The following MAP3K10 variants were observed in gnomAD, a reference collection of about 807,000 sequenced individuals.
MAP3K10 encodes MKN28 derived nonreceptor_type serine/threonine kinase.
Under a neutral mutation model 75.0 loss-of-function variants are expected in MAP3K10, and 22 were observed. The ratio of observed to expected loss-of-function variants is 0.29; its 90% CI spans 0.21 to 0.42. MAP3K10 has a LOEUF of 0.42. Ranked by LOEUF, MAP3K10 falls within the 10% of genes least tolerant of loss-of-function variation. The pLI, the probability that MAP3K10 is intolerant of heterozygous loss-of-function variation, is 1.00. For synonymous variants in MAP3K10, 599 were observed against 612.9 expected (o/e 0.98, Z 0.34); for missense variants, 1,165 against 1,379.8 (o/e 0.84, Z 2.47).
chr19:40,198,321 TGGGTCTGCG>T lies in MAP3K10; in HGVS notation c.683-52_683-44del. On this transcript the variant is annotated intron_variant, in intron 1 of 9. Coordinates refer to ENST00000253055, the MANE Select transcript of MAP3K10 (RefSeq NM_002446.4). The surrounding 1 kb of genome is among the most constrained non-coding windows in gnomAD (Gnocchi z 4.3). The stretch of plus-strand genomic sequence containing the variant: ...AGCTGAGGCAGCGGGCCAGAACACT[TGGGTCTGCG>T]GCGTGGCAGGTCTGGGGTGACCCAC... 1 of 1,537,976 alleles carries T rather than the reference TGGGTCTGCG, an allele frequency of 6.5e-7. No individual in the cohort carries two copies. The highest frequency in any genetic ancestry group is 2.3e-5 in the East Asian group (1 of 43,854).
chr19:40,193,047 A>T (rs1312796703), intron 1 of MAP3K10, among the ~76,000 whole-genome samples: 1 of 152,192 alleles, frequency 6.6e-6, no homozygotes, highest in Non-Finnish European at 1.5e-5. Context: ...ATGCTGCCAG[A>T]GTCCACCAGG....
Position 40,205,299 on chromosome 19 carries a change from G to A in MAP3K10, c.1188+3G>A, listed in dbSNP as rs1973098399. On this transcript the variant is annotated splice_donor_region_variant and intron_variant, in intron 4 of 9. Coordinates refer to ENST00000253055, the MANE Select transcript of MAP3K10 (RefSeq NM_002446.4). The surrounding 1 kb of genome is among the most constrained non-coding windows in gnomAD (Gnocchi z 4.3). ...ATGACCTTCGGACCAAGGAGAAGGT[G>A]AAGGCAGGGGGCAAGGTGGGAAAGA... 6.2e-7 allele frequency: 1 copy of A among 1,613,754 alleles called. No individual in the cohort carries two copies. Among genetic ancestry groups the A allele is most frequent in the South Asian group, 1.1e-5 (1 of 91,072 alleles).
In MAP3K10 at chr19:40,205,946, G is replaced by T. The variant is rs756502610; in HGVS notation, c.1224G>T (p.Ala408=). 2 of 1,596,798 alleles carry T rather than the reference G, an allele frequency of 1.3e-6. No homozygotes were observed. Among genetic ancestry groups the T allele is most frequent in the East Asian group, 2.3e-5 (1 of 44,110 alleles). The change falls in exon 5 of 10, where the codon GCG becomes GCT. Residue 408 remains alanine, a synonymous_variant. Transcript: ENST00000253055. The surrounding 1 kb of genome is among the most constrained non-coding windows in gnomAD (Gnocchi z 4.3). ...LRSREEELLR[A]AQEQRFQEEQ... is the part of the protein sequence containing the mutation. ...GCCGTGAGGAGGAGCTGCTGCGGGC[G>T]GCACAGGAGCAGCGCTTCCAGGAGG...
chr19:40,213,939 G>T lies in MAP3K10; in HGVS notation c.2260G>T (p.Asp754Tyr). Residue 754 changes from aspartate to tyrosine, a missense_variant, in exon 9 of 10, where the codon GAC (aspartate) becomes TAC (tyrosine). Around this residue, in one of 2 missense-constraint regions of MAP3K10, gnomAD observed 590 missense variants for 586.6 expected, o/e 1.01. Transcript: ENST00000253055. The surrounding 1 kb of genome is among the most constrained non-coding windows in gnomAD (Gnocchi z 5.7). Reference protein sequence around the residue: ...ATLVSLSSVSDCNSTRSLLRS... With the variant: ...ATLVSLSSVSYCNSTRSLLRS... ...CCTCGTGTCGCTGTCGTCCGTGTCC[G>T]ACTGCAACTCCACGCGTTCACTGCT... 1 of 1,529,576 alleles carries T rather than the reference G, an allele frequency of 6.5e-7. No homozygotes were observed. Among genetic ancestry groups the T allele is most frequent in the South Asian group, 1.2e-5 (1 of 82,346 alleles). 94.8% of individuals were successfully genotyped at this position (1,529,576 alleles called of 1,614,324 possible).
chr19:40,206,820 G>A (rs559144256), intron 5 of MAP3K10, among the ~76,000 whole-genome samples: 1 of 152,148 alleles, frequency 6.6e-6, no homozygotes, highest in South Asian at 2.1e-4. Flanking sequence ...CTGGCCAGGT[G>A]CAGTGGCTCA....
chr19:40,201,040 C>T (rs1018094067), intron 2 of MAP3K10, among the ~76,000 whole-genome samples: 1 of 152,062 alleles, frequency 6.6e-6, no homozygotes, highest in African/African-American at 2.4e-5. Flanking sequence ...CATAGGTTTC[C>T]AAGGACATGG....
chr19:40,214,007 A>ACCACCCCCCCCCCCCCCCCCC lies in MAP3K10; in HGVS notation c.2334_2335insCCCCCCCCCCCCCCCCCACCC (p.Pro778_Ser779insProProProProProProPro). On this transcript the variant is annotated inframe_insertion, in exon 9 of 10. Transcript: ENST00000253055. ...AGGCCGCACCGGCCGCGCCCTCCCC[A>ACCACCCCCCCCCCCCCCCCCC]CCACCCTCCCCGCCCGCGCCCACAC... 1.9e-6 allele frequency: 1 copy of ACCACCCCCCCCCCCCCCCCCC among 512,950 alleles called. No individual in the cohort carries two copies. Among genetic ancestry groups the ACCACCCCCCCCCCCCCCCCCC allele is most frequent in the Non-Finnish European group, 2.7e-6 (1 of 369,902 alleles). The allele number at this position is 512,950 out of a possible 1,614,324, so 31.8% of individuals were successfully genotyped here.
chr19:40,215,335 G>C lies in MAP3K10; in HGVS notation c.*43G>C. On this transcript the variant is annotated 3_prime_UTR_variant, in exon 10 of 10. Coordinates refer to ENST00000253055, the MANE Select transcript of MAP3K10 (RefSeq NM_002446.4). Reference sequence around the variant, plus strand: ...CCGCCTGGGCAGCCATGAATGTAGCGCCCCAGGCCCTGCCCCAGCCCGCCA... The same window carrying C: ...CCGCCTGGGCAGCCATGAATGTAGCCCCCCAGGCCCTGCCCCAGCCCGCCA... 2 of 1,466,408 alleles carry C rather than the reference G, an allele frequency of 1.4e-6. 1 individual carries two copies. Among genetic ancestry groups the C allele is most frequent in the South Asian group, 2.6e-5 (2 of 76,824 alleles). The allele number at this position is 1,466,408 out of a possible 1,614,324, so 90.8% of individuals were successfully genotyped here. A position where few individuals can be genotyped will look rare whatever the true frequency, so the allele number is the denominator to read the frequency against.
Position 40,205,868 on chromosome 19 carries a change from A to T in MAP3K10, c.1189-43A>T. The T allele has an allele frequency of 6.8e-7, 1 of 1,471,590 alleles. No homozygotes were observed. Among genetic ancestry groups the T allele is most frequent in the South Asian group, 1.4e-5 (1 of 71,562 alleles). The allele number at this position is 1,471,590 out of a possible 1,614,324, so 91.2% of individuals were successfully genotyped here. A position where few individuals can be genotyped will look rare whatever the true frequency, so the allele number is the denominator to read the frequency against. Reference sequence around the variant, plus strand: ...CCCTGGGTCCCTCCCCAGGAAGCAGAGCAGCTAAGCCCCTCCCCCCAGCCA... The same window carrying T: ...CCCTGGGTCCCTCCCCAGGAAGCAGTGCAGCTAAGCCCCTCCCCCCAGCCA... On this transcript the variant is annotated intron_variant, in intron 4 of 9. Transcript: ENST00000253055. This position sits in a 1 kb window ranked among gnomAD's most constrained non-coding sequence, Gnocchi z 4.3.
rs1220346995 is a variant in MAP3K10 at position 40,213,188 on chromosome 19, G to A, written c.1837G>A (p.Glu613Lys). 6.4e-7 allele frequency: 1 copy of A among 1,572,406 alleles called. No homozygotes were observed. The highest frequency in any genetic ancestry group is 1.9e-5 in the Admixed American group (1 of 51,734). ...TGGCTTTGCCAGCCTCAATGAGATG[G>A]GTAAGAGCCTGGGTTCTTGTAAGGG... is the stretch of plus-strand genomic sequence containing the variant. ...APGFASLNEM[E>K]EFAEAEDGGS... The change falls in exon 8 of 10, where the codon GAG becomes AAG. Residue 613 changes from glutamate to lysine, a missense_variant and splice_region_variant. Glu to Lys is a moderately conservative substitution (Grantham distance 56, BLOSUM62 1). Transcript: ENST00000253055. This position sits in a 1 kb window ranked among gnomAD's most constrained non-coding sequence, Gnocchi z 5.7.
intron 2 of MAP3K10, among the ~76,000 whole-genome samples, chr19:40,201,083 A>G (rs1973009482): frequency 6.6e-6 from 1 of 152,124 alleles, no homozygotes; most frequent in Non-Finnish European, 1.5e-5. Context: ...CCCTCCAGTT[A>G]TAAACCACTG....
Position 40,213,804 on chromosome 19 carries a change from C to A in MAP3K10, c.2125C>A (p.Leu709Ile). ...GGAGCAGCGGCGCTGGCTCGACGGC[C>A]TCTTCTTTCCCCGCGCCGGCCGCTT... ...GEEQRRWLDG[L>I]FFPRAGRFPR... The change falls in exon 9 of 10, where the codon CTC (leucine) becomes ATC (isoleucine). Residue 709 changes from leucine to isoleucine, a missense_variant. Around this residue, in one of 2 missense-constraint regions of MAP3K10, gnomAD observed 590 missense variants for 586.6 expected, o/e 1.01. Coordinates refer to ENST00000253055, the MANE Select transcript of MAP3K10 (RefSeq NM_002446.4). This position sits in a 1 kb window ranked among gnomAD's most constrained non-coding sequence, Gnocchi z 5.7. 3 of 1,285,652 alleles carry A rather than the reference C, an allele frequency of 2.3e-6. No homozygotes were observed. Among genetic ancestry groups the A allele is most frequent in the Non-Finnish European group, 2.0e-6 (2 of 1,012,660 alleles). The allele number at this position is 1,285,652 out of a possible 1,614,324, so 79.6% of individuals were successfully genotyped here. A position where few individuals can be genotyped will look rare whatever the true frequency, so the allele number is the denominator to read the frequency against.
Position 40,192,475 on chromosome 19 carries a change from C to T in MAP3K10, c.444C>T (p.Leu148=), listed in dbSNP as rs895744272. The change falls in exon 1 of 10, where the codon CTC becomes CTT. Residue 148 remains leucine, a synonymous_variant. Transcript: ENST00000253055. This position sits in a 1 kb window ranked among gnomAD's most constrained non-coding sequence, Gnocchi z 7.1. ...TAEQVCQEAR[L]FGALQHPNII... ...AGCAGGTGTGCCAGGAAGCCCGGCT[C>T]TTTGGAGCCCTGCAGCACCCCAACA... 5 of 1,613,940 alleles carry T rather than the reference C, an allele frequency of 3.1e-6. No individual in the cohort carries two copies. In the East Asian group the frequency reaches 8.9e-5, roughly 29 times the overall value.
chr19:40,200,480 T>C (rs1972994357), intron 2 of MAP3K10, among the ~76,000 whole-genome samples: 1 of 152,164 alleles, frequency 6.6e-6, no homozygotes, highest in South Asian at 2.1e-4. Flanking sequence ...AGGCTCCAGA[T>C]TGTCCAAGCA....
At chr19:40,200,288 G>GA (rs201745145) in intron 2 of MAP3K10, among the ~76,000 whole-genome samples, 1 of 151,716 alleles carries the variant, frequency 6.6e-6, no homozygotes. Flanking sequence ...GACTCCATCT[G>GA]AAAAAAAATA....
At chr19:40,201,472 C>T (rs1277038444) in intron 2 of MAP3K10, among the ~76,000 whole-genome samples, 1 of 147,896 alleles carries the variant, frequency 6.8e-6, no homozygotes, top group Non-Finnish European at 1.5e-5. Flanking sequence ...GGATTACAGG[C>T]GTCAGCCACC....
Position 40,213,998 on chromosome 19 carries a change from G to GCCCACCCCCCCCCCCCCCCCCCCCC in MAP3K10, c.2322_2323insACCCCCCCCCCCCCCCCCCCCCCCC (p.Ser775ThrfsTer85). ...ACAGTGACGAGGCCGCACCGGCCGC[G>GCCCACCCCCCCCCCCCCCCCCCCCC]CCCTCCCCACCACCCTCCCCGCCCG... On this transcript the variant is annotated frameshift_variant, in exon 9 of 10. Transcript: ENST00000253055. LOFTEE classifies it high-confidence loss of function. The surrounding 1 kb of genome is among the most constrained non-coding windows in gnomAD (Gnocchi z 5.7). The GCCCACCCCCCCCCCCCCCCCCCCCC allele has an allele frequency of 5.9e-6, 9 of 1,521,828 alleles. No individual in the cohort carries two copies. Among genetic ancestry groups the GCCCACCCCCCCCCCCCCCCCCCCCC allele is most frequent in the Non-Finnish European group, 5.3e-6 (6 of 1,140,560 alleles). The allele number at this position is 1,521,828 out of a possible 1,614,324, so 94.3% of individuals were successfully genotyped here. A position where few individuals can be genotyped will look rare whatever the true frequency, so the allele number is the denominator to read the frequency against.
Position 40,215,436 on chromosome 19 carries a change from A to C in MAP3K10, c.*144A>C. ...GGAAGGAGGGAGGGGGGGGACACTTAACTTATTCCTTTGTACCCCAGGGGG... is the reference window on the plus strand; with the variant it reads ...GGAAGGAGGGAGGGGGGGGACACTTCACTTATTCCTTTGTACCCCAGGGGG... On this transcript the variant is annotated 3_prime_UTR_variant, in exon 10 of 10. Coordinates refer to ENST00000253055, the MANE Select transcript of MAP3K10 (RefSeq NM_002446.4). 1.3e-6 allele frequency: 1 copy of C among 774,920 alleles called. No individual in the cohort carries two copies. The allele number at this position is 774,920 out of a possible 1,614,324, so 48.0% of individuals were successfully genotyped here.
chr19:40,201,776 C>T (rs1378374944), intron 2 of MAP3K10, among the ~76,000 whole-genome samples: 1 of 150,644 alleles, frequency 6.6e-6, no homozygotes, highest in East Asian at 1.9e-4. Flanking sequence ...AGCCACTGTG[C>T]CTAGCTCCAC....
Sources: gnomAD v4.1 joint callset for allele counts (sites outside exome capture counted in the v4.1 genomes callset) on GRCh38, gnomAD v4.1.1 for gene constraint, gnomAD v4.1.1 regional missense constraint, Gnocchi (gnomAD v3.1) non-coding constraint, MANE v1.5 for transcripts, NCBI Gene and HGNC (gene_info 2026-07-23, HGNC 2026-07-21) for gene names.